Variants in RASGRF2 observed in about 807,000 individuals in gnomAD.
RASGRF2 encodes ras-specific guanine nucleotide-releasing factor 2.
A neutral mutation model predicts 151.0 loss-of-function variants in RASGRF2; 76 were observed. That is an observed-to-expected ratio of 0.50 (90% CI 0.42 to 0.61). RASGRF2 has a LOEUF of 0.61. Among genes scored for constraint, RASGRF2 ranks in the 20% least tolerant of loss-of-function variants. The pLI, the probability that RASGRF2 is intolerant of heterozygous loss-of-function variation, is 0.00. For missense variants in RASGRF2, 1,148 were observed against 1,564.6 expected, an observed-to-expected ratio of 0.73 and a Z score of 4.49; for synonymous variants, 504 against 566.5, an observed-to-expected ratio of 0.89 and a Z score of 1.57.
intron 17 of RASGRF2, among the ~76,000 whole-genome samples, chr5:81,159,876 G>A (rs577321437): frequency 6.6e-6 from 1 of 152,308 alleles, no homozygotes. Flanking sequence ...AGTGCCTAGG[G>A]AGTTTTATAA....
At chr5:81,101,105 G>T (rs1752687263) in intron 12 of RASGRF2, among the ~76,000 whole-genome samples, 1 of 152,110 alleles carries the variant, frequency 6.6e-6, no homozygotes, top group African/African-American at 2.4e-5. Context: ...TATGATCTAG[G>T]AATCTAATTT....
At chr5:81,139,336 G>C (rs1364128758) in intron 17 of RASGRF2, among the ~76,000 whole-genome samples, 5 of 150,114 alleles carry the variant, frequency 3.3e-5, no homozygotes, top group African/African-American at 4.9e-5. Flanking sequence ...CATTTCTTCT[G>C]TGAATAAAGA....
intron 17 of RASGRF2, among the ~76,000 whole-genome samples, chr5:81,143,908 TA>T (rs1753944668): frequency 6.7e-6 from 1 of 149,642 alleles, no homozygotes; most frequent in African/African-American, 2.4e-5. Flanking sequence ...AAAAAAAGAC[TA>T]AAAAAATTCT....
chr5:81,225,633 G>A (rs1427769246), intron 26 of RASGRF2, 45 bp from the exon 27 acceptor site: 1 of 1,604,196 alleles, frequency 6.2e-7, no homozygotes, highest in Non-Finnish European at 8.5e-7. Context: ...TGTACGCACT[G>A]GTGTCTGAAA....
intron 17 of RASGRF2, among the ~76,000 whole-genome samples, chr5:81,171,207 G>A (rs1754650274): frequency 6.6e-6 from 1 of 152,038 alleles, no homozygotes; most frequent in South Asian, 2.1e-4. Context: ...CACTTTAAAT[G>A]CACCCTCCCT....
rs777057186 is a variant in RASGRF2, at chr5:81,112,606, G to A, written c.1839-4G>A. On this transcript the variant is annotated splice_polypyrimidine_tract_variant and splice_region_variant and intron_variant, in intron 13 of 26. Coordinates refer to ENST00000265080, the MANE Select transcript of RASGRF2 (RefSeq NM_006909.3). ...TACCATCATGTTCCTGCCTTTGCACGTAGGTCTGATGCCCGTCTTCATAAA... is the reference window on the plus strand; with the variant it reads ...TACCATCATGTTCCTGCCTTTGCACATAGGTCTGATGCCCGTCTTCATAAA... 7.1e-5 allele frequency: 115 copies of A among 1,614,092 alleles called. 1 individual carries two copies. The Middle Eastern group carries it at 8.2e-4, about 12-fold the overall frequency.
intron 2 of RASGRF2, among the ~76,000 whole-genome samples, chr5:81,053,869 A>T (rs1441384729): frequency 6.6e-6 from 1 of 152,180 alleles, no homozygotes; most frequent in South Asian, 2.1e-4. Context: ...CATTTCTCTG[A>T]CGGCCAGTGA....
At position 81,039,560 on chromosome 5, in the gene RASGRF2, G is replaced by T. The variant is rs1371904429; in HGVS notation, c.289-3317G>T. ...AAATGTAAAGTGCCCCATTACATTG[G>T]ATTTTAAACTGGCTGTCATTAATAT... On this transcript the variant is annotated intron_variant, in intron 1 of 26. Transcript: ENST00000265080. Among the ~76,000 whole-genome samples the T allele has an allele frequency of 2.0e-5, 3 of 152,088 alleles. No homozygotes were observed. The East Asian group carries it at 5.8e-4, about 29-fold the overall frequency.
chr5:81,090,795 ATTTT>A (rs1397183749), intron 9 of RASGRF2, among the ~76,000 whole-genome samples: 2 of 152,148 alleles, frequency 1.3e-5, no homozygotes, highest in Non-Finnish European at 2.9e-5. Context: ...AATTGTATTT[ATTTT>A]TATGTATTCT....
At chr5:81,114,299 C>A (rs1753090080) in intron 15 of RASGRF2, among the ~76,000 whole-genome samples, 1 of 152,226 alleles carries the variant, frequency 6.6e-6, no homozygotes, top group Admixed American at 6.5e-5. Flanking sequence ...TGAGCTCAGG[C>A]TGCAGAGCTT....
intron 26 of RASGRF2, among the ~76,000 whole-genome samples, chr5:81,221,006 A>G (rs1755845256): frequency 6.6e-6 from 1 of 152,154 alleles, no homozygotes; most frequent in Non-Finnish European, 1.5e-5. Flanking sequence ...GAAATCTGTC[A>G]GATGTTTACT....
intron 4 of RASGRF2, among the ~76,000 whole-genome samples, chr5:81,071,699 G>GTT (rs150080756): frequency 6.6e-6 from 1 of 151,572 alleles, no homozygotes; most frequent in South Asian, 2.1e-4. Flanking sequence ...AGATTAATTA[G>GTT]TTTTTTTAAA....
rs1383178227 is a variant in RASGRF2 at position 81,230,065 on chromosome 5, G to A, written c.*4295G>A. The A allele has an allele frequency of 1.3e-5, 2 of 152,202 alleles. No homozygotes were observed. Among genetic ancestry groups the A allele is most frequent in the African/African-American group, 4.8e-5 (2 of 41,446 alleles). 9.4% of individuals were successfully genotyped at this position (152,202 alleles called of 1,614,324 possible). On this transcript the variant is annotated 3_prime_UTR_variant, in exon 27 of 27. Transcript: ENST00000265080. Reference sequence around the variant, plus strand: ...ACTTTGCAAATTTGTGGACATTTGTGATTGGACAGAGGGGTTTGTGCTGTG... The same window carrying A: ...ACTTTGCAAATTTGTGGACATTTGTAATTGGACAGAGGGGTTTGTGCTGTG...
intron 1 of RASGRF2, among the ~76,000 whole-genome samples, chr5:80,995,106 A>G (rs910012836): frequency 6.6e-6 from 1 of 151,960 alleles, no homozygotes; most frequent in Non-Finnish European, 1.5e-5. Context: ...AATACAAAAA[A>G]TCACCCAGGC....
chr5:80,973,422 G>C (rs2112222482), intron 1 of RASGRF2, among the ~76,000 whole-genome samples: 1 of 152,268 alleles, frequency 6.6e-6, no homozygotes, highest in South Asian at 2.1e-4. Flanking sequence ...CACGTATTCT[G>C]GGTATCTCAT....
intron 2 of RASGRF2, among the ~76,000 whole-genome samples, chr5:81,061,712 G>A (rs153247): frequency 5.9e-5 from 9 of 151,538 alleles, no homozygotes; most frequent in East Asian, 5.8e-4. Flanking sequence ...TTCTGAGATA[G>A]GGTCTCATTT....
intron 1 of RASGRF2, among the ~76,000 whole-genome samples, chr5:80,974,842 G>A (rs548991456): frequency 2.0e-5 from 3 of 152,246 alleles, no homozygotes; most frequent in East Asian, 1.9e-4. Context: ...GTGAAAAATC[G>A]TAGTGGTAAT....
intron 1 of RASGRF2, among the ~76,000 whole-genome samples, chr5:80,995,397 TATACACACAC>T (rs1465855354): frequency 1.9e-5 from 2 of 107,548 alleles, no homozygotes; most frequent in Non-Finnish European, 4.6e-5. Context: ...TATATATATA[TATACACACAC>T]ACACACACAC....
intron 1 of RASGRF2, among the ~76,000 whole-genome samples, chr5:80,995,689 C>CCT (rs1196652170): frequency 7.9e-6 from 1 of 126,456 alleles, no homozygotes; most frequent in Non-Finnish European, 1.7e-5. Flanking sequence ...TTCCTTCCCC[C>CCT]CCCCTTTTTT....
Sources: gnomAD v4.1 joint callset for allele counts (sites outside exome capture counted in the v4.1 genomes callset) on GRCh38, gnomAD v4.1.1 for gene constraint, MANE v1.5 for transcripts, NCBI Gene and HGNC (gene_info 2026-07-23, HGNC 2026-07-21) for gene names.